Variants in NOC3L observed in about 807,000 individuals in gnomAD.
NOC3L encodes the protein nucleolar complex protein 3 homolog.
Under a neutral mutation model 102.5 loss-of-function variants are expected in NOC3L, and 85 were observed. That is an observed-to-expected ratio of 0.83 (90% confidence interval 0.70 to 0.99). NOC3L has a LOEUF of 0.99. NOC3L is among the 50% of genes least tolerant of loss of function. NOC3L has a pLI of 0.00. For synonymous variants in NOC3L, 303 were observed against 309.4 expected (o/e 0.98, Z 0.22); for missense variants, 878 against 914.9 (o/e 0.96, Z 0.52).
At chr10:94,318,380 G>A in the NOC3L span, among the ~76,000 whole-genome samples, 86 of 152,276 alleles carry the variant, frequency 5.6e-4, no homozygotes, top group Admixed American at 2.5e-3. Context: ...TCCTCTAAGC[G>A]ATGTCAGAAA....
At chr10:94,354,893 G>A in intron 6 of NOC3L, 70 bp downstream of exon 6, 1 of 1,479,374 alleles carries the variant, frequency 6.8e-7, no homozygotes, top group Non-Finnish European at 9.2e-7. Context: ...TAGGTAACAA[G>A]GGAATCTTAA....
chr10:94,361,778 T>C lies in NOC3L; in HGVS notation c.104A>G (p.Gln35Arg). 1 of 1,614,072 alleles carries C rather than the reference T, an allele frequency of 6.2e-7. No homozygotes were observed. The highest frequency in any genetic ancestry group is 8.5e-7 in the Non-Finnish European group (1 of 1,179,978). ...TCGGTACTTCTTGAGAGTGCTTTGTTGTTTAAACTGCTTATTTTTTAGCTT... is the reference window on the plus strand; with the variant it reads ...TCGGTACTTCTTGAGAGTGCTTTGTCGTTTAAACTGCTTATTTTTTAGCTT... Reference protein sequence around the residue: ...ENKLKNKQFKQQSTLKKYRKE... With the variant: ...ENKLKNKQFKRQSTLKKYRKE... The change falls in exon 2 of 21, where the codon CAA becomes CGA. Residue 35 changes from glutamine (Q) to arginine (R), a missense_variant. Transcript: ENST00000371361.
chr10:94,357,963 C>T (rs916487649), intron 3 of NOC3L, 120 bp downstream of exon 3: 10 of 691,140 alleles, frequency 1.4e-5, no homozygotes, highest in African/African-American at 5.4e-5. Flanking sequence ...CTAAATAATA[C>T]TTTATTCTTT....
chr10:94,328,994 T>C (rs1473492876), downstream of NOC3L: 2 of 152,234 alleles, frequency 1.3e-5, no homozygotes, highest in African/African-American at 4.8e-5. Flanking sequence ...TTTGCAAGGT[T>C]TGTACTGACA....
At chr10:94,319,965 G>C in the NOC3L span, among the ~76,000 whole-genome samples, 3 of 149,900 alleles carry the variant, frequency 2.0e-5, no homozygotes, top group Non-Finnish European at 4.4e-5. Context: ...CGCCTCCCGG[G>C]TTCACACCAC....
At chr10:94,361,607 G>A (rs934278478) in intron 2 of NOC3L, 58 bp downstream of exon 2, 9 of 1,521,708 alleles carry the variant, frequency 5.9e-6, no homozygotes, top group African/African-American at 1.4e-5. Flanking sequence ...TTATTTCCAT[G>A]AAGAACACTT....
At chr10:94,331,014 T>C (rs1332546840), downstream of NOC3L, 1 of 152,242 alleles carries the variant, frequency 6.6e-6, no homozygotes, top group African/African-American at 2.4e-5. Context: ...GCATGAATTC[T>C]GTCACTCTAT....
At chr10:94,362,032 C>T (rs2054557398) in intron 1 of NOC3L, 160 bp from the exon 2 acceptor site, 3 of 690,108 alleles carry the variant, frequency 4.3e-6, no homozygotes, top group Non-Finnish European at 7.8e-6. Context: ...TGGCTTTAAT[C>T]CTACAGAAGA....
At chr10:94,338,801 G>C in intron 17 of NOC3L, 65 bp from the exon 18 acceptor site, 1 of 1,379,768 alleles carries the variant, frequency 7.2e-7, no homozygotes, top group Admixed American at 1.9e-5. Context: ...GGTGTTACTG[G>C]TTTGTAGTTG....
intron 19 of NOC3L, among the ~76,000 whole-genome samples, chr10:94,335,221 C>A (rs1270478618): frequency 6.6e-6 from 1 of 152,162 alleles, no homozygotes; most frequent in Non-Finnish European, 1.5e-5. Flanking sequence ...CTCGCCAAAA[C>A]ACATAGGCAA....
chr10:94,361,812 G>A lies in NOC3L; in HGVS notation c.70C>T (p.Leu24Phe), dbSNP rs1326608214. ...TGCTTATTTTTTAGCTTGTTTTCAA[G>A]TTTGACTTTACTAGTTTTTATTAAC... is the stretch of plus-strand genomic sequence containing the variant. ...RKLIKTSKVK[L>F]ENKLKNKQFK... is the part of the protein sequence containing the mutation. The change falls in exon 2 of 21, where the codon CTT becomes TTT. Residue 24 changes from leucine to phenylalanine, a missense_variant. Coordinates refer to ENST00000371361, the MANE Select transcript of NOC3L (RefSeq NM_022451.11). The A allele has an allele frequency of 6.2e-7, 1 of 1,613,770 alleles. No individual in the cohort carries two copies. The highest frequency in any genetic ancestry group is 1.7e-5 in the Admixed American group (1 of 60,008).
intron 14 of NOC3L, 92 bp downstream of exon 14, chr10:94,341,581 C>G: frequency 3.5e-6 from 2 of 566,430 alleles, no homozygotes; most frequent in South Asian, 6.9e-5. Context: ...AGGGGTTTTA[C>G]TGTATACAAA....
At position 94,362,770 on chromosome 10, in the gene NOC3L, G is replaced by A. The variant is rs1334014909; in HGVS notation, c.9+60C>T. On this transcript the variant is annotated intron_variant, in intron 1 of 20. Coordinates refer to ENST00000371361, the MANE Select transcript of NOC3L (RefSeq NM_022451.11). ...ACCTGCCTAAAAGCTAACTCAGGCA[G>A]TGACTCTATCACCCGAAGGGGCCCT... 5.0e-6 allele frequency: 8 copies of A among 1,592,384 alleles called. No individual in the cohort carries two copies. In the African/African-American group the frequency reaches 8.1e-5, roughly 16 times the overall value.
Position 94,346,496 on chromosome 10 carries a change from C to A in NOC3L, c.1318G>T (p.Asp440Tyr). Reference sequence around the variant, plus strand: ...ATAAATTTTTTTGGTTTATTAATGTCTTCTGTATCTTTTTTCACTTCTACT... The same window carrying A: ...ATAAATTTTTTTGGTTTATTAATGTATTCTGTATCTTTTTTCACTTCTACT... ...KEVEVKKDTE[D>Y]INKPKKFMTF... is the part of the protein sequence containing the mutation. The change falls in exon 11 of 21, where the codon GAC becomes TAC. Residue 440 changes from aspartate (D) to tyrosine (Y), a missense_variant. Transcript: ENST00000371361. 2.0e-6 allele frequency: 3 copies of A among 1,480,168 alleles called. No homozygotes were observed. The highest frequency in any genetic ancestry group is 2.7e-6 in the Non-Finnish European group (3 of 1,099,914). 91.7% of individuals were successfully genotyped at this position (1,480,168 alleles called of 1,614,324 possible). A position where few individuals can be genotyped will look rare whatever the true frequency, so the allele number is the denominator to read the frequency against.
At position 94,338,912 on chromosome 10, in the gene NOC3L, T is replaced by G. The variant is rs191098534; in HGVS notation, c.1963-176A>C. Among the ~76,000 whole-genome samples the G allele has an allele frequency of 3.3e-5, 5 of 151,886 alleles. No individual in the cohort carries two copies. The East Asian group carries it at 9.6e-4, about 29-fold the overall frequency. ...TAAGTTTATATAGTAAGAACAAGAG[T>G]TGCAAAAAAAAATTTTATCTTTGCT... is the stretch of plus-strand genomic sequence containing the variant. On this transcript the variant is annotated intron_variant, in intron 17 of 20. Transcript: ENST00000371361.
chr10:94,350,203 C>A lies in NOC3L; in HGVS notation c.1038G>T (p.Leu346Phe), dbSNP rs756990751. ...GAGGTAGTGCCACCAACAGCTCACACAAGCTCTTCACAGCGACTTCTGCCA... is the reference window on the plus strand; with the variant it reads ...GAGGTAGTGCCACCAACAGCTCACAAAAGCTCTTCACAGCGACTTCTGCCA... ...KGLAEVAVKSLCELLVALPHF... is the reference protein window; with the variant it reads ...KGLAEVAVKSFCELLVALPHF... The change falls in exon 9 of 21, where the codon TTG becomes TTT. Residue 346 changes from leucine (L) to phenylalanine (F), a missense_variant. Physicochemically the swap from Leu to Phe is conservative, Grantham distance 22. Transcript: ENST00000371361. The A allele has an allele frequency of 6.2e-7, 1 of 1,614,162 alleles. No homozygotes were observed.
intron 2 of NOC3L, among the ~76,000 whole-genome samples, chr10:94,361,005 T>C (rs993261662): frequency 2.0e-5 from 3 of 152,062 alleles, no homozygotes; most frequent in African/African-American, 7.2e-5. Context: ...AACAAGACCC[T>C]GTCTATTTAA....
intron 1 of NOC3L, 147 bp downstream of exon 1, chr10:94,362,683 A>G: frequency 1.3e-6 from 1 of 794,990 alleles, no homozygotes; most frequent in East Asian, 2.5e-5. Flanking sequence ...ACCAAGGATG[A>G]GCTCGGTGTA....
chr10:94,346,168 AAAAAGCCAAAGGAT>A (rs2054340800), intron 11 of NOC3L, among the ~76,000 whole-genome samples: 1 of 152,206 alleles, frequency 6.6e-6, no homozygotes, highest in Non-Finnish European at 1.5e-5. Flanking sequence ...AAATTGATCT[AAAAAGCCAAAGGAT>A]AAAAGCCAGC....
Sources: gnomAD v4.1 joint callset for allele counts (sites outside exome capture counted in the v4.1 genomes callset) on GRCh38, gnomAD v4.1.1 for gene constraint, MANE v1.5 for transcripts, NCBI Gene and HGNC (gene_info 2026-07-23, HGNC 2026-07-21) for gene names.